The following NTRK3 variants were observed in gnomAD, a reference collection of about 807,000 sequenced individuals.
NTRK3 encodes the protein NT-3 growth factor receptor.
In NTRK3, 24 loss-of-function variants were observed where a neutral mutation model predicts 91.7. That is an observed-to-expected ratio of 0.26 (90% confidence interval 0.19 to 0.37). The LOEUF is 0.37. Among genes scored for constraint, NTRK3 ranks in the 10% least tolerant of loss-of-function variants. The pLI, the probability that NTRK3 is intolerant of heterozygous loss-of-function variation, is 1.00. For synonymous variants in NTRK3, 483 were observed against 404.0 expected (o/e 1.20, Z -2.34); for missense variants, 880 against 1,068.9 (o/e 0.82, Z 2.46).
intron 13 of NTRK3, among the ~76,000 whole-genome samples, chr15:88,053,033 ATTCTCAAAACATTTATTAGG>A (rs2142321603): frequency 6.6e-6 from 1 of 152,306 alleles, no homozygotes; most frequent in South Asian, 2.1e-4. Flanking sequence ...CATTTATCAG[ATTCTCAAAACATTTATTAGG>A]AACCTACTAT....
In NTRK3 at chr15:87,910,503, G is replaced by A. The variant is rs185181206; in HGVS notation, c.2133+18688C>T. On this transcript the variant is annotated intron_variant, in intron 17 of 18. Transcript: ENST00000394480. ...TGGTGAGTTTTATTTAAAACATGCC[G>A]TGTTTCAGTCTCCAGTGAACTCTCC... Among the ~76,000 whole-genome samples the A allele has an allele frequency of 2.1e-3, 326 of 152,306 alleles. 1 individual carries two copies. Among genetic ancestry groups the A allele is most frequent in the African/African-American group, 7.2e-3 (299 of 41,558 alleles).
At chr15:88,202,186 C>G (rs1466940258) in intron 3 of NTRK3, among the ~76,000 whole-genome samples, 1 of 152,214 alleles carries the variant, frequency 6.6e-6, no homozygotes, top group Non-Finnish European at 1.5e-5. Flanking sequence ...CCTTCCAGGT[C>G]TTCTCCTAGC....
chr15:87,996,572 C>A (rs1023242586), intron 14 of NTRK3, among the ~76,000 whole-genome samples: 1 of 152,116 alleles, frequency 6.6e-6, no homozygotes, highest in African/African-American at 2.4e-5. Context: ...AGGAGAGCAA[C>A]GGAAAAGAAG....
At chr15:88,051,905 T>C (rs2080862658) in intron 13 of NTRK3, among the ~76,000 whole-genome samples, 3 of 152,214 alleles carry the variant, frequency 2.0e-5, no homozygotes, top group Non-Finnish European at 1.5e-5. Context: ...AGTTAGCCAA[T>C]GCTTCCCACT....
intron 17 of NTRK3, among the ~76,000 whole-genome samples, chr15:87,893,651 G>A (rs973400827): frequency 3.9e-5 from 6 of 152,188 alleles, no homozygotes; most frequent in Non-Finnish European, 7.3e-5. Context: ...TCAGGCTTCC[G>A]CATCTAATTA....
chr15:88,056,604 G>A (rs1034984182), intron 13 of NTRK3, among the ~76,000 whole-genome samples: 28 of 152,180 alleles, frequency 1.8e-4, no homozygotes, highest in Non-Finnish European at 3.4e-4. Context: ...TTTCAAATAT[G>A]ACAAAAAGAC....
intron 13 of NTRK3, among the ~76,000 whole-genome samples, chr15:88,115,597 G>T (rs1037782902): frequency 6.6e-6 from 1 of 152,202 alleles, no homozygotes; most frequent in Admixed American, 6.5e-5. Flanking sequence ...CAGCACAGAG[G>T]CCCCTTTGAA....
In NTRK3 at chr15:87,877,075, C is replaced by T. The variant is rs769255062; in HGVS notation, c.2338G>A (p.Val780Ile). ...ACATCGTACACCTCTTTGGGGCAGA[C>T]TCGGGGCCGCTCCAAAACACGACCT... Residue 780 changes from valine (V) to isoleucine (I), a missense_variant, in exon 19 of 19, where the codon GTC (valine) becomes ATC (isoleucine). By Grantham distance (29) the Val-to-Ile change is conservative. Transcript: ENST00000394480. 3.7e-6 allele frequency: 6 copies of T among 1,613,950 alleles called. No individual in the cohort carries two copies. Among genetic ancestry groups the T allele is most frequent in the Non-Finnish European group, 4.2e-6 (5 of 1,180,022 alleles).
intron 5 of NTRK3, among the ~76,000 whole-genome samples, chr15:88,168,719 G>A (rs2045229437): frequency 7.9e-6 from 1 of 126,662 alleles, no homozygotes; most frequent in African/African-American, 3.7e-5. Context: ...GAACCAAGGT[G>A]CCCTTTTACT....
chr15:87,897,141 G>C (rs115405448), intron 17 of NTRK3, among the ~76,000 whole-genome samples: 1 of 152,104 alleles, frequency 6.6e-6, no homozygotes, highest in South Asian at 2.1e-4. Flanking sequence ...AAGGAGTTGA[G>C]AGCCAAGCCG....
In NTRK3 at chr15:88,006,128, T is replaced by C. The variant is rs531661156; in HGVS notation, c.1585+26729A>G. On this transcript the variant is annotated intron_variant, in intron 14 of 18. Transcript: ENST00000394480. ...TCTGACTTTAAGGAGAAAGTAAAAA[T>C]GTTCATTACCAAATCCAGCAAGCAC... Among the ~76,000 whole-genome samples the C allele has an allele frequency of 3.3e-5, 5 of 152,274 alleles. No homozygotes were observed. In the East Asian group the frequency reaches 5.8e-4, roughly 18 times the overall value.
rs543591026 is a variant in NTRK3, at chr15:87,868,853, C to T, written c.*8082G>A. 28 of 222,580 alleles carry T rather than the reference C, an allele frequency of 1.3e-4. No homozygotes were observed. The Admixed American group carries it at 1.6e-3, about 12-fold the overall frequency. The allele number at this position is 222,580 out of a possible 1,614,324, so 13.8% of individuals were successfully genotyped here. On this transcript the variant is annotated 3_prime_UTR_variant, in exon 19 of 19. Transcript: ENST00000394480. ...AGAAACAGGAGCTGTGGCTGCCTCT[C>T]TTGTAAGGACCATAGGAAAGACCTG... is the stretch of plus-strand genomic sequence containing the variant.
At chr15:88,077,423 C>T (rs938839465) in intron 13 of NTRK3, among the ~76,000 whole-genome samples, 1 of 152,088 alleles carries the variant, frequency 6.6e-6, no homozygotes, top group Non-Finnish European at 1.5e-5. Context: ...CCAGCCCTGC[C>T]TCCCCCACCC....
At chr15:88,215,988 A>G (rs2049731350) in intron 3 of NTRK3, among the ~76,000 whole-genome samples, 1 of 152,170 alleles carries the variant, frequency 6.6e-6, no homozygotes, top group Admixed American at 6.5e-5. Context: ...ACTCTATCCT[A>G]TGCTGTCCCA....
intron 14 of NTRK3, among the ~76,000 whole-genome samples, chr15:87,992,086 C>A (rs542675330): frequency 2.0e-5 from 3 of 152,010 alleles, no homozygotes; most frequent in Non-Finnish European, 4.4e-5. Flanking sequence ...TAAGTTAATC[C>A]ATTTTATGTA....
intron 14 of NTRK3, among the ~76,000 whole-genome samples, chr15:87,951,613 C>T (rs1172410758): frequency 1.3e-5 from 2 of 152,120 alleles, no homozygotes; most frequent in Non-Finnish European, 2.9e-5. Context: ...CACAAAGGAC[C>T]CTAGGAAATG....
intron 16 of NTRK3, among the ~76,000 whole-genome samples, chr15:87,931,393 A>G (rs2068785335): frequency 1.3e-5 from 2 of 152,346 alleles, no homozygotes; most frequent in Admixed American, 1.3e-4. Flanking sequence ...TAGTAATAGT[A>G]ATAACTTCAA....
At chr15:87,987,514 T>G (rs1480813619) in intron 14 of NTRK3, among the ~76,000 whole-genome samples, 2 of 150,696 alleles carry the variant, frequency 1.3e-5, no homozygotes, top group African/African-American at 5.0e-5. Context: ...TAGATATATA[T>G]AGATAGATAG....
chr15:87,947,268 TC>T (rs2070652247), intron 14 of NTRK3, among the ~76,000 whole-genome samples: 1 of 151,990 alleles, frequency 6.6e-6, no homozygotes. Context: ...TTGCCCAAGA[TC>T]CCCTAGCTGT....
Sources: allele counts gnomAD v4.1 joint callset (sites outside exome capture counted in the v4.1 genomes callset), GRCh38; gene constraint gnomAD v4.1.1; transcripts MANE v1.5; gene names NCBI Gene and HGNC (gene_info 2026-07-23, HGNC 2026-07-21).